SRBD1: variants seen among roughly 807,000 people sequenced by gnomAD.
SRBD1 encodes S1 RNA binding domain 1, also known as S1 RNA-binding domain-containing protein 1.
A neutral mutation model predicts 115.3 loss-of-function variants in SRBD1; 88 were observed. The observed-to-expected ratio is 0.76, with a 90% CI of 0.64 to 0.91. The LOEUF is 0.91. SRBD1 is among the 40% of genes least tolerant of loss of function. The probability of loss-of-function intolerance (pLI) is 0.00; values close to 1 mark genes in which losing one functional copy is unlikely to be tolerated. For synonymous variants in SRBD1, 509 were observed against 407.7 expected (o/e 1.25, Z -2.99); for missense variants, 1,385 against 1,177.4 (o/e 1.18, Z -2.58).
At chr2:45,393,727 T>C (rs1175199901) in intron 19 of SRBD1, among the ~76,000 whole-genome samples, 1 of 152,342 alleles carries the variant, frequency 6.6e-6, no homozygotes, top group Non-Finnish European at 1.5e-5. Context: ...GTGTCACATA[T>C]ATTTTAAAAA....
intron 19 of SRBD1, among the ~76,000 whole-genome samples, chr2:45,395,680 A>G (rs1222603323): frequency 6.6e-6 from 1 of 152,216 alleles, no homozygotes; most frequent in Non-Finnish European, 1.5e-5. Context: ...GGTCACGCAC[A>G]CACACACAAA....
chr2:45,563,881 A>G (rs535514182), intron 9 of SRBD1, among the ~76,000 whole-genome samples: 2 of 152,334 alleles, frequency 1.3e-5, no homozygotes, highest in South Asian at 4.1e-4. Flanking sequence ...TCTAAAAAGA[A>G]TCAATATCCA....
intron 10 of SRBD1, among the ~76,000 whole-genome samples, chr2:45,560,101 A>C (rs1269348085): frequency 6.6e-6 from 1 of 152,146 alleles, no homozygotes; most frequent in African/African-American, 2.4e-5. Flanking sequence ...GAAAAGAAAA[A>C]AAAGAAAAAG....
At chr2:45,504,034 T>A (rs919933956) in intron 14 of SRBD1, among the ~76,000 whole-genome samples, 1 of 152,134 alleles carries the variant, frequency 6.6e-6, no homozygotes, top group Non-Finnish European at 1.5e-5. Flanking sequence ...AACTACCAAG[T>A]TTTTACTATA....
chr2:45,445,033 C>T (rs1350302162), intron 16 of SRBD1, among the ~76,000 whole-genome samples: 1 of 152,172 alleles, frequency 6.6e-6, no homozygotes, highest in African/African-American at 2.4e-5. Context: ...AAAGTCATCC[C>T]GACCACAGTA....
Position 45,433,543 on chromosome 2 carries a change from A to G in SRBD1, c.2050-13649T>C, listed in dbSNP as rs866072345. On this transcript the variant is annotated intron_variant, in intron 16 of 20. Coordinates refer to ENST00000263736, the MANE Select transcript of SRBD1 (RefSeq NM_018079.5). Reference sequence around the variant, plus strand: ...CTTTGATTGACATGTGACAGTTTTTAAGAGTCATCCAAACGAGTGTGTGCT... The same window carrying G: ...CTTTGATTGACATGTGACAGTTTTTGAGAGTCATCCAAACGAGTGTGTGCT... Among the ~76,000 whole-genome samples, 11 of 152,342 alleles carry G rather than the reference A, an allele frequency of 7.2e-5. 1 individual carries two copies. Among genetic ancestry groups the G allele is most frequent in the Middle Eastern group, 6.8e-3 (2 of 294 alleles).
chr2:45,574,378 A>T (rs1258630713), intron 8 of SRBD1, among the ~76,000 whole-genome samples: 7 of 152,200 alleles, frequency 4.6e-5, no homozygotes, highest in Admixed American at 4.6e-4. Context: ...AGGCCCCTCC[A>T]CTGAGATGCC....
At chr2:45,433,613 T>A (rs564690448) in intron 16 of SRBD1, among the ~76,000 whole-genome samples, 3 of 152,090 alleles carry the variant, frequency 2.0e-5, no homozygotes, top group Non-Finnish European at 4.4e-5. Context: ...TGGGAAACAT[T>A]TGAGAAAACA....
chr2:45,434,503 G>C (rs1668431381), intron 16 of SRBD1, among the ~76,000 whole-genome samples: 1 of 152,106 alleles, frequency 6.6e-6, no homozygotes, highest in Non-Finnish European at 1.5e-5. Flanking sequence ...AATAAAGTCA[G>C]TTTATTCTGT....
Position 45,511,265 on chromosome 2 carries a change from C to T in SRBD1, c.1875-22934G>A, listed in dbSNP as rs1017971532. ...TTGTTTCGCCAAAGCTGCGTATCTT[C>T]GGAAACTGACTTGTTAGCAGTATCC... On this transcript the variant is annotated intron_variant, in intron 14 of 20. Transcript: ENST00000263736. Among the ~76,000 whole-genome samples, 9 of 152,300 alleles carry T rather than the reference C, an allele frequency of 5.9e-5. No individual in the cohort carries two copies. The South Asian group carries it at 1.0e-3, about 18-fold the overall frequency.
At chr2:45,402,837 T>C (rs937799680) in intron 19 of SRBD1, among the ~76,000 whole-genome samples, 3 of 152,154 alleles carry the variant, frequency 2.0e-5, no homozygotes, top group African/African-American at 4.8e-5. Flanking sequence ...GCACTACTCC[T>C]GGCACCTTAT....
At chr2:45,449,767 GCTAT>G (rs1174427801) in intron 16 of SRBD1, among the ~76,000 whole-genome samples, 1 of 152,158 alleles carries the variant, frequency 6.6e-6, no homozygotes, top group Non-Finnish European at 1.5e-5. Flanking sequence ...GTGGAAATTA[GCTAT>G]CTAAGAGTAA....
chr2:45,392,246 A>G (rs1407346576), intron 20 of SRBD1, among the ~76,000 whole-genome samples: 1 of 152,342 alleles, frequency 6.6e-6, no homozygotes, highest in African/African-American at 2.4e-5. Context: ...AGCCTAAACC[A>G]GAATAAAAAG....
intron 16 of SRBD1, among the ~76,000 whole-genome samples, chr2:45,428,139 T>C (rs1668214479): frequency 6.6e-6 from 1 of 152,120 alleles, no homozygotes; most frequent in Non-Finnish European, 1.5e-5. Flanking sequence ...ACAGAAATCA[T>C]AACAAACAGT....
At chr2:45,481,834 AT>A (rs1239723105) in intron 15 of SRBD1, among the ~76,000 whole-genome samples, 2 of 152,152 alleles carry the variant, frequency 1.3e-5, no homozygotes, top group Non-Finnish European at 2.9e-5. Context: ...TGAAAACATT[AT>A]GCTTAAGTGA....
intron 19 of SRBD1, among the ~76,000 whole-genome samples, chr2:45,394,407 C>A (rs1667087013): frequency 6.6e-6 from 1 of 152,130 alleles, no homozygotes; most frequent in Admixed American, 6.6e-5. Flanking sequence ...TGATTAATGG[C>A]ACTTTAAAAA....
chr2:45,459,275 C>T (rs1431723524), intron 16 of SRBD1, among the ~76,000 whole-genome samples: 2 of 152,156 alleles, frequency 1.3e-5, no homozygotes, highest in African/African-American at 2.4e-5. Context: ...ACTTTAAATG[C>T]CTATCTTTCC....
At position 45,573,191 on chromosome 2, in the gene SRBD1, C is replaced by A; in HGVS notation, c.1305+16G>T. ...TTATTACGAAATCAGCATGCACATG[C>A]AGTTTCTTTATTTACCTGATGATGG... On this transcript the variant is annotated intron_variant, in intron 9 of 20. Coordinates refer to ENST00000263736, the MANE Select transcript of SRBD1 (RefSeq NM_018079.5). 2 of 1,583,620 alleles carry A rather than the reference C, an allele frequency of 1.3e-6. No homozygotes were observed. The highest frequency in any genetic ancestry group is 8.6e-7 in the Non-Finnish European group (1 of 1,168,056).
At chr2:45,462,781 G>A (rs1397462016) in intron 16 of SRBD1, among the ~76,000 whole-genome samples, 5 of 151,892 alleles carry the variant, frequency 3.3e-5, no homozygotes, top group East Asian at 1.9e-4. Context: ...AGCTGAGATC[G>A]CGCCACTGCA....
Sources: gnomAD v4.1 joint callset for allele counts (sites outside exome capture counted in the v4.1 genomes callset) on GRCh38, gnomAD v4.1.1 for gene constraint, MANE v1.5 for transcripts, NCBI Gene and HGNC (gene_info 2026-07-23, HGNC 2026-07-21) for gene names.